The following SHOC2 variants were observed in gnomAD, a reference collection of about 807,000 sequenced individuals.
SHOC2 encodes SHOC2 leucine rich repeat scaffold protein.
Under a neutral mutation model 50.2 loss-of-function variants are expected in SHOC2, and 4 were observed. That is an observed-to-expected ratio of 0.08 (90% CI 0.04 to 0.18). The LOEUF (loss-of-function observed/expected upper bound fraction) is 0.18, where lower values mean the gene tolerates loss of function less well. SHOC2 is among the 10% of genes least tolerant of loss of function. The pLI is 1.00. For synonymous variants in SHOC2, 218 were observed against 244.5 expected, an observed-to-expected ratio of 0.89 and a Z score of 1.01; for missense variants, 388 against 669.6, an observed-to-expected ratio of 0.58 and a Z score of 4.64.
At chr10:110,970,857 C>T (rs1349290129) in intron 2 of SHOC2, among the ~76,000 whole-genome samples, 1 of 151,760 alleles carries the variant, frequency 6.6e-6, no homozygotes, top group East Asian at 1.9e-4. Flanking sequence ...TACCTTTTGG[C>T]CATTTGTATG....
In SHOC2 at chr10:110,964,241, A is replaced by G; in HGVS notation, c.-118A>G. 6.8e-7 allele frequency: 1 copy of G among 1,479,972 alleles called. No individual in the cohort carries two copies. Among genetic ancestry groups the G allele is most frequent in the Non-Finnish European group, 9.0e-7 (1 of 1,105,876 alleles). 91.7% of individuals were successfully genotyped at this position (1,479,972 alleles called of 1,614,324 possible). On this transcript the variant is annotated 5_prime_UTR_variant, in exon 2 of 9. The change abolishes the stop of an existing upstream ORF in the 5' untranslated region. Transcript: ENST00000369452. The surrounding 1 kb of genome is among the most constrained non-coding windows in gnomAD (Gnocchi z 4.9). ...AACAGATGGATGTTACTCCATGCTG[A>G]TTACTTCTTCAAGCCAGTACTTTTT...
rs545231531 is a variant in SHOC2 at position 110,968,081 on chromosome 10, C to T, written c.703+3020C>T. Among the ~76,000 whole-genome samples, 26 of 152,286 alleles carry T rather than the reference C, an allele frequency of 1.7e-4. 1 individual carries two copies. In the South Asian group the frequency reaches 3.9e-3, roughly 23 times the overall value. On this transcript the variant is annotated intron_variant, in intron 2 of 8. Transcript: ENST00000369452. Reference sequence around the variant, plus strand: ...GGGACTGCAATATTTTACATTCCTACCAGCAGTGTTTGAGGGTTCCAATTT... The same window carrying T: ...GGGACTGCAATATTTTACATTCCTATCAGCAGTGTTTGAGGGTTCCAATTT...
intron 1 of SHOC2, among the ~76,000 whole-genome samples, chr10:110,955,690 G>T (rs1226447015): frequency 1.3e-5 from 2 of 152,090 alleles, no homozygotes; most frequent in Non-Finnish European, 2.9e-5. Context: ...TACATAATGT[G>T]ACTTTGTGTC....
At chr10:110,957,383 T>C (rs970552667) in intron 1 of SHOC2, among the ~76,000 whole-genome samples, 1 of 152,200 alleles carries the variant, frequency 6.6e-6, no homozygotes, top group Non-Finnish European at 1.5e-5. Context: ...TAATTTACTA[T>C]CTTTTTAGCT....
chr10:110,988,948 A>G (rs760568818), intron 3 of SHOC2: 35 of 510,034 alleles, frequency 6.9e-5, no homozygotes, highest in African/African-American at 1.2e-4. Flanking sequence ...TACAAAAGCA[A>G]TCGCGGTTTT....
At chr10:110,986,618 C>T (rs186354073) in intron 3 of SHOC2, among the ~76,000 whole-genome samples, 127 of 152,100 alleles carry the variant, frequency 8.3e-4, no homozygotes, top group Middle Eastern at 3.4e-3. Flanking sequence ...GGACTACAGG[C>T]GTCCACCACC....
At chr10:111,000,689 G>A (rs916105304) in intron 4 of SHOC2, 144 bp downstream of exon 4, 11 of 717,076 alleles carry the variant, frequency 1.5e-5, no homozygotes, top group East Asian at 5.5e-5. Context: ...TACCACCACC[G>A]CTGAAGTAAC....
chr10:110,965,676 T>C (rs921297045), intron 2 of SHOC2, among the ~76,000 whole-genome samples: 7 of 152,178 alleles, frequency 4.6e-5, no homozygotes, highest in Admixed American at 4.6e-4. Context: ...ATTTTGCTAA[T>C]TTTCATTCCA....
intron 1 of SHOC2, among the ~76,000 whole-genome samples, chr10:110,942,054 A>G (rs1254374881): frequency 6.6e-6 from 1 of 152,164 alleles, no homozygotes; most frequent in East Asian, 1.9e-4. Flanking sequence ...CTCTGCTAAG[A>G]CAAAATTCAT....
At chr10:110,996,291 G>A (rs1005709241) in intron 3 of SHOC2, among the ~76,000 whole-genome samples, 4 of 152,174 alleles carry the variant, frequency 2.6e-5, no homozygotes, top group Non-Finnish European at 5.9e-5. Flanking sequence ...CATTTTGGGA[G>A]GCTGAGGTGA....
At chr10:110,937,684 T>A (rs969612532) in intron 1 of SHOC2, among the ~76,000 whole-genome samples, 2 of 152,182 alleles carry the variant, frequency 1.3e-5, no homozygotes, top group Admixed American at 1.3e-4. Context: ...AGGGATAAAG[T>A]ATGGGCTGAT....
intron 1 of SHOC2, among the ~76,000 whole-genome samples, chr10:110,948,793 T>C (rs902914141): frequency 2.0e-5 from 3 of 152,314 alleles, no homozygotes; most frequent in Middle Eastern, 3.4e-3. Context: ...GATAATCAAA[T>C]GAACAACCTT....
At chr10:111,008,193 T>C (rs1848504639) in intron 6 of SHOC2, among the ~76,000 whole-genome samples, 3 of 148,886 alleles carry the variant, frequency 2.0e-5, no homozygotes, top group African/African-American at 7.5e-5. Context: ...AGTATGTTTT[T>C]CCATAATTAA....
chr10:110,941,473 A>G (rs769496764), intron 1 of SHOC2, among the ~76,000 whole-genome samples: 4 of 151,940 alleles, frequency 2.6e-5, no homozygotes, highest in Non-Finnish European at 5.9e-5. Flanking sequence ...CTGGGATTAC[A>G]GGTATGTGCC....
intron 1 of SHOC2, among the ~76,000 whole-genome samples, chr10:110,922,516 A>T (rs977028030): frequency 6.6e-6 from 1 of 152,118 alleles, no homozygotes; most frequent in Non-Finnish European, 1.5e-5. Context: ...TAACTAAAAG[A>T]TACAAACTCT....
intron 1 of SHOC2, chr10:110,920,273 C>T (rs148070758): frequency 2.6e-5 from 4 of 152,710 alleles, no homozygotes; most frequent in African/African-American, 9.7e-5. Flanking sequence ...GAGTTGTAGC[C>T]CTTCGAGACC....
chr10:110,919,829 G>T (rs1374040673), intron 1 of SHOC2, among the ~76,000 whole-genome samples, 172 bp downstream of exon 1: 1 of 150,904 alleles, frequency 6.6e-6, no homozygotes, highest in Non-Finnish European at 1.5e-5. Context: ...CCTGGGAGGC[G>T]CCGCCGCCGC....
intron 1 of SHOC2, among the ~76,000 whole-genome samples, chr10:110,948,672 T>C (rs1847294070): frequency 6.6e-6 from 1 of 152,102 alleles, no homozygotes; most frequent in Non-Finnish European, 1.5e-5. Context: ...AAAAGGTGTC[T>C]CGAGACAAAA....
At chr10:110,927,027 AC>A (rs1846791016) in intron 1 of SHOC2, among the ~76,000 whole-genome samples, 1 of 152,110 alleles carries the variant, frequency 6.6e-6, no homozygotes, top group African/African-American at 2.4e-5. Flanking sequence ...TTTTTTCTTG[AC>A]CCACTTTTAA....
Sources: allele counts gnomAD v4.1 joint callset (sites outside exome capture counted in the v4.1 genomes callset), GRCh38; gene constraint gnomAD v4.1.1; non-coding constraint Gnocchi (gnomAD v3.1); transcripts MANE v1.5; gene names NCBI Gene and HGNC (gene_info 2026-07-23, HGNC 2026-07-21).